DSCAML1: variants seen among roughly 807,000 people sequenced by gnomAD.
The protein encoded by DSCAML1 is cell adhesion molecule DSCAML1.
DSCAML1 carries 38 observed loss-of-function variants against 200.5 expected under a neutral mutation model. The observed-to-expected ratio is 0.19, with a 90% CI of 0.15 to 0.25. The LOEUF is 0.25. Among genes scored for constraint, DSCAML1 ranks in the 10% least tolerant of loss-of-function variants. The probability of loss-of-function intolerance (pLI) is 1.00; values close to 1 mark genes in which losing one functional copy is unlikely to be tolerated. For synonymous variants in DSCAML1, 1,215 were observed against 1,165.0 expected (o/e 1.04, Z -0.87); for missense variants, 2,223 against 2,858.8 (o/e 0.78, Z 5.07).
At chr11:117,702,291 A>T (rs2053684897) in intron 3 of DSCAML1, among the ~76,000 whole-genome samples, 1 of 151,916 alleles carries the variant, frequency 6.6e-6, no homozygotes, top group Non-Finnish European at 1.5e-5. Context: ...CCTCCTTCTT[A>T]TCCTTGTCAC....
At chr11:117,555,275 G>T (rs1336622344) in intron 3 of DSCAML1, among the ~76,000 whole-genome samples, 1 of 152,218 alleles carries the variant, frequency 6.6e-6, no homozygotes, top group East Asian at 1.9e-4. Context: ...TGAAGGTCAA[G>T]ATCTTGTTCA....
chr11:117,572,843 G>T (rs2050869241), intron 3 of DSCAML1, among the ~76,000 whole-genome samples: 1 of 152,120 alleles, frequency 6.6e-6, no homozygotes, highest in South Asian at 2.1e-4. Context: ...TCCTGCCCTG[G>T]AGACCTCACA....
intron 11 of DSCAML1, among the ~76,000 whole-genome samples, chr11:117,487,782 A>C (rs115256147): frequency 0.012 from 1,896 of 152,264 alleles, 43 homozygotes; most frequent in African/African-American, 0.044. Context: ...CAAGGGAGAG[A>C]CACTGCAAGG....
At chr11:117,553,396 G>C (rs887127104) in intron 3 of DSCAML1, among the ~76,000 whole-genome samples, 2 of 152,050 alleles carry the variant, frequency 1.3e-5, no homozygotes, top group African/African-American at 4.8e-5. Flanking sequence ...TCTGATAAGG[G>C]GTTAATATCC....
chr11:117,694,082 C>T (rs139925999), intron 3 of DSCAML1, among the ~76,000 whole-genome samples: 16,501 of 138,436 alleles, frequency 0.12, 1,585 homozygotes, highest in African/African-American at 0.24. Flanking sequence ...TATATATACA[C>T]ATATATATAT....
At chr11:117,531,695 C>T (rs904081166) in intron 4 of DSCAML1, among the ~76,000 whole-genome samples, 5 of 151,876 alleles carry the variant, frequency 3.3e-5, no homozygotes, top group African/African-American at 9.7e-5. Flanking sequence ...ACCGGCCTAG[C>T]CAACATGGTG....
chr11:117,493,556 T>C (rs906828284), intron 11 of DSCAML1, among the ~76,000 whole-genome samples: 1 of 152,098 alleles, frequency 6.6e-6, no homozygotes, highest in Non-Finnish European at 1.5e-5. Context: ...CCTCGTGATC[T>C]GCCCACCTTG....
intron 3 of DSCAML1, among the ~76,000 whole-genome samples, chr11:117,757,998 AAAAC>A (rs141321910): frequency 0.66 from 100,292 of 151,052 alleles, 34,759 homozygotes; most frequent in East Asian, 0.82. Flanking sequence ...TCAAAAAGCA[AAAAC>A]AAACAAACAA....
chr11:117,450,940 C>T (rs1014705606), intron 19 of DSCAML1, among the ~76,000 whole-genome samples: 2 of 152,004 alleles, frequency 1.3e-5, no homozygotes, highest in African/African-American at 4.8e-5. Context: ...AACTGTTTGG[C>T]CAGAACCAAG....
In DSCAML1 at chr11:117,450,632, C is replaced by A. The variant is rs148185662; in HGVS notation, c.3625G>T (p.Val1209Leu). Reference protein sequence around the residue: ...AVPSSASSVVVSWLPPTKPNG... With the variant: ...AVPSSASSVVLSWLPPTKPNG... ...GGCTTGGTAGGGGGGAGCCAAGACA[C>A]AACCACACTGCTAGCTGATGAAGGG... The change falls in exon 20 of 33, where the codon GTG becomes TTG. Residue 1209 changes from valine (V) to leucine (L), a missense_variant. This residue lies in a region of DSCAML1 where 438 missense variants were observed against 629.7 expected (regional missense o/e 0.70). Coordinates refer to ENST00000651296, the MANE Select transcript of DSCAML1 (RefSeq NM_020693.4). The A allele has an allele frequency of 1.2e-6, 2 of 1,614,224 alleles. No homozygotes were observed. The highest frequency in any genetic ancestry group is 1.7e-6 in the Non-Finnish European group (2 of 1,180,044).
chr11:117,506,494 G>T (rs1471557366), intron 8 of DSCAML1, among the ~76,000 whole-genome samples: 1 of 151,250 alleles, frequency 6.6e-6, no homozygotes, highest in Non-Finnish European at 1.5e-5. Context: ...CGTGTGGCTT[G>T]GTTGCCTCTC....
rs999739906 is a variant in DSCAML1 at position 117,480,753 on chromosome 11, G to T, written c.2657-182C>A. Among the ~76,000 whole-genome samples the T allele has an allele frequency of 6.6e-6, 1 of 152,146 alleles. No homozygotes were observed. The highest frequency in any genetic ancestry group is 2.4e-5 in the African/African-American group (1 of 41,430). ...CTTGGAGGCTGAGGAGGCCTGGCTT[G>T]CTCTCCTGTCTTGCTGCCATCTTGT... On this transcript the variant is annotated intron_variant, in intron 13 of 32. Transcript: ENST00000651296. The surrounding 1 kb of genome is among the most constrained non-coding windows in gnomAD (Gnocchi z 4.1).
intron 2 of DSCAML1, among the ~76,000 whole-genome samples, chr11:117,778,940 G>A (rs979762283): frequency 2.6e-5 from 4 of 152,214 alleles, no homozygotes; most frequent in Non-Finnish European, 5.9e-5. Context: ...AAGAGCTCAT[G>A]GTCTAGCCCC....
At chr11:117,511,210 G>A (rs1393390369) in intron 8 of DSCAML1, among the ~76,000 whole-genome samples, 1 of 152,120 alleles carries the variant, frequency 6.6e-6, no homozygotes, top group Non-Finnish European at 1.5e-5. Flanking sequence ...GAGAGAGGGT[G>A]TTTGTGTGTG....
In DSCAML1 at chr11:117,505,136, C is replaced by T; in HGVS notation, c.2063-93G>A. 1 of 1,514,116 alleles carries T rather than the reference C, an allele frequency of 6.6e-7. No individual in the cohort carries two copies. The highest frequency in any genetic ancestry group is 8.9e-7 in the Non-Finnish European group (1 of 1,124,672). 93.8% of individuals were successfully genotyped at this position (1,514,116 alleles called of 1,614,324 possible). ...CACCTTCTGTTTGAGGTCAGCCCTG[C>T]CCGGGCCATTATAAAGTTGGAAGCG... is the stretch of plus-strand genomic sequence containing the variant. On this transcript the variant is annotated intron_variant, in intron 9 of 32. Transcript: ENST00000651296. The surrounding 1 kb of genome is among the most constrained non-coding windows in gnomAD (Gnocchi z 6.7).
intron 3 of DSCAML1, among the ~76,000 whole-genome samples, chr11:117,732,874 G>C (rs1248923062): frequency 1.3e-5 from 2 of 151,922 alleles, no homozygotes; most frequent in Non-Finnish European, 2.9e-5. Flanking sequence ...TCTTTTTCCA[G>C]ATCCTACGAA....
intron 1 of DSCAML1, among the ~76,000 whole-genome samples, chr11:117,809,819 C>G (rs115222052): frequency 6.0e-4 from 91 of 152,210 alleles, no homozygotes; most frequent in African/African-American, 2.2e-3. Context: ...TAGCAACGCA[C>G]AACACACACA....
At chr11:117,554,155 G>A (rs1407753001) in intron 3 of DSCAML1, among the ~76,000 whole-genome samples, 8 of 152,166 alleles carry the variant, frequency 5.3e-5, no homozygotes, top group Non-Finnish European at 2.9e-5. Flanking sequence ...CTGAGGGGAG[G>A]GGGAATGGGG....
rs1370988336 is a variant in DSCAML1 at position 117,503,813 on chromosome 11, G to A, written c.2359+32C>T. On this transcript the variant is annotated intron_variant, in intron 11 of 32. Transcript: ENST00000651296. The surrounding 1 kb of genome is among the most constrained non-coding windows in gnomAD (Gnocchi z 5.2). ...AGCCGGGGCTTGGCTGTGATTTGGG[G>A]GTGCTAGGGGGCGTGTGGGGACAGG... The A allele has an allele frequency of 6.2e-7, 1 of 1,600,628 alleles. No homozygotes were observed. The highest frequency in any genetic ancestry group is 8.5e-7 in the Non-Finnish European group (1 of 1,172,250).
Sources: allele counts gnomAD v4.1 joint callset (sites outside exome capture counted in the v4.1 genomes callset), GRCh38; gene constraint gnomAD v4.1.1; regional missense constraint gnomAD v4.1.1; non-coding constraint Gnocchi (gnomAD v3.1); transcripts MANE v1.5; gene names NCBI Gene and HGNC (gene_info 2026-07-23, HGNC 2026-07-21).